OPCML: variants seen among roughly 807,000 people sequenced by gnomAD.
OPCML encodes the protein opioid binding protein/cell adhesion molecule like.
A neutral mutation model predicts 37.8 loss-of-function variants in OPCML; 13 were observed. The observed-to-expected ratio is 0.34, with a 90% CI of 0.22 to 0.55. The LOEUF (loss-of-function observed/expected upper bound fraction) is 0.55. OPCML is among the 20% of genes least tolerant of loss of function. OPCML has a pLI of 0.91. For missense variants in OPCML, 341 were observed against 435.6 expected (o/e 0.78, Z 1.93); for synonymous variants, 176 against 168.8 (o/e 1.04, Z -0.33).
chr11:132,947,024 G>A (rs1464530308), intron 1 of OPCML, among the ~76,000 whole-genome samples: 2 of 152,196 alleles, frequency 1.3e-5, no homozygotes, highest in Non-Finnish European at 2.9e-5. Flanking sequence ...GGCAGCCGTG[G>A]AGTTGGGTCA....
chr11:133,461,349 C>A (rs1946854035), intron 1 of OPCML, among the ~76,000 whole-genome samples: 2 of 151,858 alleles, frequency 1.3e-5, no homozygotes, highest in African/African-American at 4.8e-5. Flanking sequence ...TATGCACCCA[C>A]ACACAAAACA....
intron 1 of OPCML, among the ~76,000 whole-genome samples, chr11:133,164,840 G>C (rs529878038): frequency 1.3e-5 from 2 of 152,152 alleles, no homozygotes; most frequent in Non-Finnish European, 2.9e-5. Context: ...ATAAAACATT[G>C]ACATAGAATT....
At chr11:133,245,681 T>C (rs1393993410) in intron 1 of OPCML, among the ~76,000 whole-genome samples, 1 of 152,140 alleles carries the variant, frequency 6.6e-6, no homozygotes, top group Non-Finnish European at 1.5e-5. Context: ...GTCAAGAAGC[T>C]TGGTGAGTTA....
At chr11:132,630,638 A>G (rs950994306) in intron 3 of OPCML, among the ~76,000 whole-genome samples, 1 of 152,180 alleles carries the variant, frequency 6.6e-6, no homozygotes, top group Admixed American at 6.5e-5. Context: ...AGTGTTGGTG[A>G]TGATGCAGAG....
chr11:132,419,385 T>G lies in OPCML; in HGVS notation c.*808A>C, dbSNP rs2095949548. The G allele has an allele frequency of 6.6e-6, 1 of 152,238 alleles. No homozygotes were observed. Among genetic ancestry groups the G allele is most frequent in the Non-Finnish European group, 1.5e-5 (1 of 68,046 alleles). 9.4% of individuals were successfully genotyped at this position (152,238 alleles called of 1,614,324 possible). ...ATGGGTAACTGTACCATTACTTTGATAGATAGCTTGACAAAACCTAAATAA... is the reference window on the plus strand; with the variant it reads ...ATGGGTAACTGTACCATTACTTTGAGAGATAGCTTGACAAAACCTAAATAA... On this transcript the variant is annotated 3_prime_UTR_variant, in exon 8 of 8. Transcript: ENST00000524381.
At chr11:132,889,517 C>A (rs959897623) in intron 2 of OPCML, among the ~76,000 whole-genome samples, 1 of 152,240 alleles carries the variant, frequency 6.6e-6, no homozygotes, top group Non-Finnish European at 1.5e-5. Flanking sequence ...GAAAAACATA[C>A]TCACTGAAAG....
At chr11:132,680,017 C>A (rs899976607) in intron 2 of OPCML, among the ~76,000 whole-genome samples, 6 of 151,958 alleles carry the variant, frequency 3.9e-5, no homozygotes, top group African/African-American at 1.4e-4. Flanking sequence ...AATTTTTTTT[C>A]TTTTGTGAAT....
chr11:132,527,173 A>T lies in OPCML; in HGVS notation c.505+1888T>A, dbSNP rs555276866. Among the ~76,000 whole-genome samples the T allele has an allele frequency of 4.6e-5, 7 of 152,302 alleles. No homozygotes were observed. The East Asian group carries it at 1.2e-3, about 25-fold the overall frequency. ...TATTCGTCGTTTACAGCTATTATTA[A>T]TGAAGCTGCTAAAAACATTTGTGTA... On this transcript the variant is annotated intron_variant, in intron 4 of 7. Coordinates refer to ENST00000524381, the MANE Select transcript of OPCML (RefSeq NM_001012393.5).
intron 1 of OPCML, among the ~76,000 whole-genome samples, chr11:133,331,074 A>G (rs1277085479): frequency 6.6e-6 from 1 of 151,754 alleles, no homozygotes; most frequent in Non-Finnish European, 1.5e-5. Context: ...AGGATCCAGG[A>G]GTAAAACTGG....
rs143365876 is a variant in OPCML, at chr11:132,609,235, C to T, written c.379+47852G>A. ...GTCTGCCTATTCTGTCAGGAATTCACCCCAATGACATAACAAAATAAGTTT... is the reference window on the plus strand; with the variant it reads ...GTCTGCCTATTCTGTCAGGAATTCATCCCAATGACATAACAAAATAAGTTT... On this transcript the variant is annotated intron_variant, in intron 3 of 7. Coordinates refer to ENST00000524381, the MANE Select transcript of OPCML (RefSeq NM_001012393.5). 6.6e-5 allele frequency among the ~76,000 whole-genome samples: 10 copies of T among 152,308 alleles called. No individual in the cohort carries two copies. The East Asian group carries it at 1.9e-3, about 29-fold the overall frequency.
intron 4 of OPCML, among the ~76,000 whole-genome samples, chr11:132,504,996 C>A (rs1166496634): frequency 6.6e-6 from 1 of 152,092 alleles, no homozygotes; most frequent in Admixed American, 6.5e-5. Flanking sequence ...TATTCAAATT[C>A]TTCAACCATT....
At chr11:132,549,060 T>A (rs1024538751) in intron 3 of OPCML, among the ~76,000 whole-genome samples, 1 of 152,082 alleles carries the variant, frequency 6.6e-6, no homozygotes, top group Admixed American at 6.6e-5. Flanking sequence ...CCCAGGAGGT[T>A]AGGCATTCTT....
At chr11:133,506,694 G>A (rs1029712572) in intron 1 of OPCML, among the ~76,000 whole-genome samples, 3 of 152,248 alleles carry the variant, frequency 2.0e-5, no homozygotes, top group Non-Finnish European at 4.4e-5. Flanking sequence ...GGAAGCAGTG[G>A]CTGCAGGAAA....
intron 1 of OPCML, among the ~76,000 whole-genome samples, chr11:133,001,299 C>T (rs915608539): frequency 3.9e-5 from 6 of 152,206 alleles, no homozygotes; most frequent in Admixed American, 3.9e-4. Flanking sequence ...TACACATGTG[C>T]ACACACACAC....
intron 4 of OPCML, among the ~76,000 whole-genome samples, chr11:132,505,889 G>GAA (rs11422533): frequency 4.9e-4 from 69 of 139,728 alleles, no homozygotes; most frequent in Admixed American, 8.6e-4. Flanking sequence ...CACTTTCTGC[G>GAA]AAAAAAAAAA....
chr11:132,738,297 C>T (rs1235192627), intron 2 of OPCML, among the ~76,000 whole-genome samples: 1 of 152,196 alleles, frequency 6.6e-6, no homozygotes, highest in African/African-American at 2.4e-5. Flanking sequence ...GTACTTCATG[C>T]TTAGGACCAG....
intron 1 of OPCML, among the ~76,000 whole-genome samples, chr11:133,235,953 G>T (rs1172089354): frequency 6.6e-6 from 1 of 152,192 alleles, no homozygotes; most frequent in Non-Finnish European, 1.5e-5. Context: ...GCAGGGGATA[G>T]TTCCAAGACT....
At chr11:133,474,532 C>A (rs1947192081) in intron 1 of OPCML, among the ~76,000 whole-genome samples, 1 of 152,126 alleles carries the variant, frequency 6.6e-6, no homozygotes, top group African/African-American at 2.4e-5. Context: ...CTGAACTGTA[C>A]TAAGTTTAAA....
At chr11:132,999,311 G>A (rs748346350) in intron 1 of OPCML, among the ~76,000 whole-genome samples, 4 of 151,584 alleles carry the variant, frequency 2.6e-5, no homozygotes, top group Non-Finnish European at 4.4e-5. Flanking sequence ...TGACACTGCC[G>A]TTTCCTACAG....
Sources: allele counts gnomAD v4.1 joint callset (sites outside exome capture counted in the v4.1 genomes callset), GRCh38; gene constraint gnomAD v4.1.1; transcripts MANE v1.5; gene names NCBI Gene and HGNC (gene_info 2026-07-23, HGNC 2026-07-21).